Variants in ZNF638 observed in about 807,000 individuals in gnomAD.
ZNF638 encodes the protein zinc finger protein 638, also known as CTCL tumor antigen se33-1.
Under a neutral mutation model 195.6 loss-of-function variants are expected in ZNF638, and 46 were observed. The observed-to-expected ratio is 0.24, with a 90% confidence interval of 0.19 to 0.30. ZNF638 has a LOEUF of 0.30. Among genes scored for constraint, ZNF638 ranks in the 10% least tolerant of loss-of-function variants. ZNF638 has a pLI of 1.00. For synonymous variants in ZNF638, 845 were observed against 772.0 expected (o/e 1.09, Z -1.57); for missense variants, 2,440 against 2,325.3 (o/e 1.05, Z -1.01).
chr2:71,338,143 C>G (rs1280123804), intron 1 of ZNF638, among the ~76,000 whole-genome samples: 2 of 152,156 alleles, frequency 1.3e-5, no homozygotes, highest in East Asian at 3.8e-4. Flanking sequence ...CCCCACTCCC[C>G]CTGGAATTAA....
chr2:71,374,704 G>GC (rs36054322), intron 8 of ZNF638: 59 of 152,316 alleles, frequency 3.9e-4, no homozygotes, highest in African/African-American at 1.3e-3. Context: ...GATAACTTGA[G>GC]CTCAGGAGTT....
In ZNF638 at chr2:71,365,520, A is replaced by C; in HGVS notation, c.1809A>C (p.Gly603=). ...KQKHLEAADK[G]HSPAQKPKTS... ...AGCATCTTGAAGCTGCTGATAAGGG[A>C]CATTCACCAGCACAAAAGCCTAAAA... is the stretch of plus-strand genomic sequence containing the variant. The change falls in exon 6 of 28, where the codon GGA becomes GGC. Residue 603 remains glycine (G), a synonymous_variant. Transcript: ENST00000264447. The C allele has an allele frequency of 6.2e-7, 1 of 1,614,126 alleles. No individual in the cohort carries two copies. Among genetic ancestry groups the C allele is most frequent in the Non-Finnish European group, 8.5e-7 (1 of 1,179,970 alleles).
At position 71,352,611 on chromosome 2, in the gene ZNF638, G is replaced by A. The variant is rs1043848145; in HGVS notation, c.1317+2340G>A. Among the ~76,000 whole-genome samples, 7 of 152,078 alleles carry A rather than the reference G, an allele frequency of 4.6e-5. No homozygotes were observed. In the South Asian group the frequency reaches 8.3e-4, roughly 18 times the overall value. On this transcript the variant is annotated intron_variant, in intron 2 of 27. Transcript: ENST00000264447. ...AGGCAGTTGGGAAAGAGTGATGAGC[G>A]TATTAGAAATAAGTACGAAAGGCTT...
chr2:71,373,513 C>T (rs1046666059), intron 8 of ZNF638, among the ~76,000 whole-genome samples: 2 of 137,914 alleles, frequency 1.5e-5, no homozygotes, highest in East Asian at 2.0e-4. Context: ...GGCACCATCT[C>T]GCCTCACTGC....
At chr2:71,344,590 TG>T (rs1459419621) in intron 1 of ZNF638, among the ~76,000 whole-genome samples, 1 of 152,156 alleles carries the variant, frequency 6.6e-6, no homozygotes, top group African/African-American at 2.4e-5. Context: ...CTAGATTTAT[TG>T]CTAAGAAAAC....
At chr2:71,422,753 A>T in intron 21 of ZNF638, 61 bp from the exon 22 acceptor site, 1 of 1,511,566 alleles carries the variant, frequency 6.6e-7, no homozygotes, top group Middle Eastern at 1.8e-4. Context: ...TTCTCATCAT[A>T]GTTTGATTTT....
intron 5 of ZNF638, 45 bp from the exon 6 acceptor site, chr2:71,365,384 C>A: frequency 1.4e-6 from 2 of 1,465,360 alleles, no homozygotes; most frequent in South Asian, 2.8e-5. Context: ...TGGCTCCTAC[C>A]TTAATTTTTT....
intron 8 of ZNF638, among the ~76,000 whole-genome samples, chr2:71,378,457 A>G (rs2079476180): frequency 6.6e-6 from 1 of 152,206 alleles, no homozygotes; most frequent in African/African-American, 2.4e-5. Flanking sequence ...TTGCATGAGA[A>G]CAGTTATGAT....
At position 71,363,200 on chromosome 2, in the gene ZNF638, T is replaced by A. The variant is rs2079137623; in HGVS notation, c.1418+9T>A. On this transcript the variant is annotated intron_variant, in intron 4 of 27. Transcript: ENST00000264447. ...ATCCTCCCATCGAGAAGGTAATTTT[T>A]AAAAATAGTAATATTATTAAAACCT... 4 of 1,558,218 alleles carry A rather than the reference T, an allele frequency of 2.6e-6. No individual in the cohort carries two copies. Among genetic ancestry groups the A allele is most frequent in the Non-Finnish European group, 3.5e-6 (4 of 1,140,468 alleles).
In ZNF638 at chr2:71,426,915, T is replaced by C. The variant is rs966372014; in HGVS notation, c.5046T>C (p.Thr1682=). 2 of 1,614,034 alleles carry C rather than the reference T, an allele frequency of 1.2e-6. No individual in the cohort carries two copies. The highest frequency in any genetic ancestry group is 3.3e-5 in the Admixed American group (2 of 60,006). Residue 1682 remains threonine (T), a synonymous_variant, in exon 24 of 28, where the codon ACT becomes ACC. Coordinates refer to ENST00000264447, the MANE Select transcript of ZNF638 (RefSeq NM_014497.5). ...TCCTCAAACAGGAACGCTTGGTAAC[T>C]GTGGATGAAATTGGAGAAGTGGAAG... ...QDLLKQERLV[T]VDEIGEVEEL...
intron 22 of ZNF638, 82 bp from the exon 23 acceptor site, chr2:71,424,568 T>C (rs2080498222): frequency 8.7e-7 from 1 of 1,149,516 alleles, no homozygotes; most frequent in Non-Finnish European, 1.3e-6. Flanking sequence ...ACTGTTTTTT[T>C]TTGTTTTTTG....
intron 21 of ZNF638, 84 bp downstream of exon 21, chr2:71,418,723 ATG>A: frequency 1.0e-6 from 1 of 984,384 alleles, no homozygotes; most frequent in South Asian, 2.1e-5. Context: ...AATGGCTCAC[ATG>A]TAGTGAAAAG....
intron 1 of ZNF638, among the ~76,000 whole-genome samples, chr2:71,332,310 G>A (rs1203938695): frequency 6.6e-6 from 1 of 151,070 alleles, no homozygotes; most frequent in African/African-American, 2.5e-5. Flanking sequence ...GGGAGGAAGC[G>A]TTCCCGTCGG....
At chr2:71,386,344 G>C (rs948068606) in intron 10 of ZNF638, among the ~76,000 whole-genome samples, 89 of 147,942 alleles carry the variant, frequency 6.0e-4, no homozygotes, top group African/African-American at 2.1e-3. Flanking sequence ...ATATGTATGT[G>C]TGTATATATA....
chr2:71,334,329 T>C (rs1213325946), intron 1 of ZNF638, among the ~76,000 whole-genome samples: 1 of 152,230 alleles, frequency 6.6e-6, no homozygotes, highest in Non-Finnish European at 1.5e-5. Flanking sequence ...CCAGTATTGG[T>C]ACCCAGTAAC....
At chr2:71,386,900 T>A (rs562787777) in intron 10 of ZNF638, among the ~76,000 whole-genome samples, 125 of 151,964 alleles carry the variant, frequency 8.2e-4, no homozygotes, top group African/African-American at 2.8e-3. Flanking sequence ...CAGGCTGGAG[T>A]TCAGTTGTGG....
In ZNF638 at chr2:71,350,384, A is replaced by C. The variant is rs370762066; in HGVS notation, c.1317+113A>C. On this transcript the variant is annotated intron_variant, in intron 2 of 27. Coordinates refer to ENST00000264447, the MANE Select transcript of ZNF638 (RefSeq NM_014497.5). ...GGCGTTAAGGAAATGGCAGAAGGTA[A>C]TTTTAATTGCAACCTCAATACATAG... 90 of 1,072,490 alleles carry C rather than the reference A, an allele frequency of 8.4e-5. 1 individual carries two copies. The South Asian group carries it at 1.1e-3, about 13-fold the overall frequency. 66.4% of individuals were successfully genotyped at this position (1,072,490 alleles called of 1,614,324 possible).
intron 6 of ZNF638, among the ~76,000 whole-genome samples, chr2:71,366,453 G>A (rs1369195617): frequency 6.6e-6 from 1 of 152,102 alleles, no homozygotes; most frequent in African/African-American, 2.4e-5. Flanking sequence ...ATTTTAGTAT[G>A]GAATATTTTA....
intron 21 of ZNF638, among the ~76,000 whole-genome samples, chr2:71,422,380 G>C (rs201592527): frequency 6.6e-6 from 1 of 151,748 alleles, no homozygotes; most frequent in Admixed American, 6.6e-5. Context: ...TTTTAGGTAA[G>C]GTTCACTTAT....
Sources: gnomAD v4.1 joint callset for allele counts (sites outside exome capture counted in the v4.1 genomes callset) on GRCh38, gnomAD v4.1.1 for gene constraint, MANE v1.5 for transcripts, NCBI Gene and HGNC (gene_info 2026-07-23, HGNC 2026-07-21) for gene names.